SYT12: variants seen among roughly 807,000 people sequenced by gnomAD.
The protein encoded by SYT12 is synaptotagmin-12.
SYT12 carries 27 observed loss-of-function variants against 39.5 expected under a neutral mutation model. The observed-to-expected ratio is 0.68, with a 90% confidence interval of 0.50 to 0.94. SYT12 has a LOEUF of 0.94. Ranked by LOEUF, SYT12 falls within the 40% of genes least tolerant of loss-of-function variation. The probability of loss-of-function intolerance (pLI) is 0.00; values close to 1 mark genes in which losing one functional copy is unlikely to be tolerated. For missense variants in SYT12, 536 were observed against 572.6 expected, an observed-to-expected ratio of 0.94 and a Z score of 0.65; for synonymous variants, 233 against 239.7, an observed-to-expected ratio of 0.97 and a Z score of 0.26.
At chr11:67,027,679 GC>G in intron 1 of SYT12, 1 of 152,468 alleles carries the variant, frequency 6.6e-6, no homozygotes, top group Non-Finnish European at 1.5e-5. Flanking sequence ...AGGTGATGGG[GC>G]CCCCGACAGC....
intron 3 of SYT12, among the ~76,000 whole-genome samples, chr11:67,011,891 G>A (rs115848128): frequency 1.3e-5 from 2 of 151,512 alleles, no homozygotes; most frequent in South Asian, 2.1e-4. Context: ...TCAGCCTCCC[G>A]AGTAGGTGGG....
rs1565337170 is a variant in SYT12 at position 67,035,792 on chromosome 11, TCC to T, written c.228+955_228+956del. Among the ~76,000 whole-genome samples the T allele has an allele frequency of 8.6e-3, 370 of 43,194 alleles. 4 individuals carry two copies. Among genetic ancestry groups the T allele is most frequent in the African/African-American group, 0.024 (346 of 14,196 alleles). The allele number at this position is 43,194 out of a possible 152,430, so 28.3% of individuals were successfully genotyped here. ...TTCTTTTCTTTTCTTTTCTTTTCTTTCCTTCCTTCCTTCCTTCCTTCCTTCCT... is the reference window on the plus strand; with the variant it reads ...TTCTTTTCTTTTCTTTTCTTTTCTTTTTCCTTCCTTCCTTCCTTCCTTCCT... On this transcript the variant is annotated intron_variant, in intron 3 of 7. Transcript: ENST00000527043.
At chr11:67,030,092 C>T in intron 1 of SYT12, 30 bp from the exon 2 acceptor site, 1 of 1,607,520 alleles carries the variant, frequency 6.2e-7, no homozygotes, top group Middle Eastern at 1.7e-4. Context: ...TCTCTGCAGC[C>T]CTCTCCTCTC....
chr11:67,019,896 CAAAAAA>C (rs71461631), upstream of SYT12, among the ~76,000 whole-genome samples: 14 of 116,660 alleles, frequency 1.2e-4, no homozygotes, highest in African/African-American at 4.2e-4. Flanking sequence ...GACCCTGTCT[CAAAAAA>C]AAAAAAAAAA....
chr11:67,039,043 C>T (rs1285697344), intron 3 of SYT12, among the ~76,000 whole-genome samples: 2 of 151,826 alleles, frequency 1.3e-5, no homozygotes, highest in Non-Finnish European at 2.9e-5. Flanking sequence ...GTGGCTCGCA[C>T]CTGTAATCCC....
At chr11:67,007,824 G>C (rs1425252437) in intron 1 of SYT12, among the ~76,000 whole-genome samples, 3 of 151,618 alleles carry the variant, frequency 2.0e-5, no homozygotes, top group Non-Finnish European at 1.5e-5. Flanking sequence ...TTGGCCTCCC[G>C]AAGTGCTGGG....
intron 4 of SYT12, among the ~76,000 whole-genome samples, chr11:67,041,864 A>G (rs1950518044): frequency 6.6e-6 from 1 of 152,210 alleles, no homozygotes; most frequent in Non-Finnish European, 1.5e-5. Flanking sequence ...TCAGGGCCAG[A>G]GCAGAGGGGG....
intron 3 of SYT12, among the ~76,000 whole-genome samples, chr11:67,037,958 G>A (rs896516346): frequency 1.3e-5 from 2 of 150,712 alleles, no homozygotes; most frequent in African/African-American, 4.9e-5. Context: ...GGGAGAGTGA[G>A]GGGGGAGGAT....
chr11:67,046,372 T>C (rs980721283), intron 7 of SYT12, among the ~76,000 whole-genome samples: 1 of 152,214 alleles, frequency 6.6e-6, no homozygotes, highest in Non-Finnish European at 1.5e-5. Flanking sequence ...GGCTTGAAGA[T>C]AGGGCTTGGG....
rs1243586438 is a variant in SYT12, at chr11:67,039,987, C to T, written c.405C>T (p.Asp135=). ...CCCTCCGGAAGTCCCAGTCGGCCGA[C>T]TCCCTGAACTCCATCTCCTCCGTGA... is the stretch of plus-strand genomic sequence containing the variant. ...YGTLRKSQSA[D]SLNSISSVSN... Residue 135 remains aspartate (D), a synonymous_variant, in exon 4 of 8, where the codon GAC becomes GAT. Transcript: ENST00000527043. 6.2e-7 allele frequency: 1 copy of T among 1,613,816 alleles called. No homozygotes were observed. Among genetic ancestry groups the T allele is most frequent in the Admixed American group, 1.7e-5 (1 of 60,022 alleles).
chr11:67,007,369 CA>C (rs1949978018), exon 1 of SYT12: 1 of 152,256 alleles, frequency 6.6e-6, no homozygotes, highest in African/African-American at 2.4e-5. Context: ...CAGCCTTACC[CA>C]GGGGCCTCCC....
At chr11:67,024,174 G>A (rs369756932) in intron 1 of SYT12, among the ~76,000 whole-genome samples, 1 of 152,246 alleles carries the variant, frequency 6.6e-6, no homozygotes, top group East Asian at 1.9e-4. Context: ...GGGCTGCAGA[G>A]AGACTGTGTG....
chr11:67,013,754 G>A (rs1328212036), intron 3 of SYT12, among the ~76,000 whole-genome samples: 1 of 152,248 alleles, frequency 6.6e-6, no homozygotes, highest in Non-Finnish European at 1.5e-5. Context: ...AGCACAGGCT[G>A]GGGCTAATGC....
At position 67,038,786 on chromosome 11, in the gene SYT12, A is replaced by G. The variant is rs1195291811; in HGVS notation, c.229-1025A>G. Among the ~76,000 whole-genome samples the G allele has an allele frequency of 4.6e-5, 7 of 150,976 alleles. No individual in the cohort carries two copies. The East Asian group carries it at 1.4e-3, about 30-fold the overall frequency. Reference sequence around the variant, plus strand: ...GGCAGATCACAAGGTCAGGAGTTCAAGACCAGCCTGGCCAACATACTGAAA... The same window carrying G: ...GGCAGATCACAAGGTCAGGAGTTCAGGACCAGCCTGGCCAACATACTGAAA... On this transcript the variant is annotated intron_variant, in intron 3 of 7. Transcript: ENST00000527043.
intron 1 of SYT12, chr11:67,029,319 A>C (rs1211979993): frequency 6.6e-6 from 1 of 152,238 alleles, no homozygotes; most frequent in Non-Finnish European, 1.5e-5. Context: ...CTTCCCAATC[A>C]AAATGGAAGC....
At chr11:67,008,971 G>C (rs1189339096) in intron 1 of SYT12, among the ~76,000 whole-genome samples, 1 of 152,100 alleles carries the variant, frequency 6.6e-6, no homozygotes, top group Non-Finnish European at 1.5e-5. Flanking sequence ...ACTGAGAATG[G>C]TGCCAGGTAT....
chr11:67,024,233 C>G (rs961117507), intron 1 of SYT12, among the ~76,000 whole-genome samples: 2 of 152,236 alleles, frequency 1.3e-5, no homozygotes, highest in Non-Finnish European at 2.9e-5. Flanking sequence ...CATGGAATGT[C>G]AGCTCCTTCT....
Position 67,030,198 on chromosome 11 carries a change from C to T in SYT12, c.34+20C>T. 1.9e-6 allele frequency: 3 copies of T among 1,613,928 alleles called. No individual in the cohort carries two copies. Among genetic ancestry groups the T allele is most frequent in the Non-Finnish European group, 2.5e-6 (3 of 1,179,966 alleles). On this transcript the variant is annotated intron_variant, in intron 2 of 7. Coordinates refer to ENST00000527043, the MANE Select transcript of SYT12 (RefSeq NM_177963.4). ...TGAGCGGTGAGTGCCCAGGGCAAAC[C>T]CCTCCTGGATCACGCCTGCGAGACC...
At chr11:67,010,025 G>A (rs1346313024) in exon 2 of SYT12, 1 of 152,392 alleles carries the variant, frequency 6.6e-6, no homozygotes, top group Non-Finnish European at 1.5e-5. Context: ...AAAGGGCTTG[G>A]TGTGTTTGAG....
Sources: gnomAD v4.1 joint callset for allele counts (sites outside exome capture counted in the v4.1 genomes callset) on GRCh38, gnomAD v4.1.1 for gene constraint, MANE v1.5 for transcripts, NCBI Gene and HGNC (gene_info 2026-07-23, HGNC 2026-07-21) for gene names.